The following CSMD1 variants were observed in gnomAD, a reference collection of about 807,000 sequenced individuals.
The protein encoded by CSMD1 is CUB and Sushi multiple domains 1.
CSMD1 carries 213 observed loss-of-function variants against 417.5 expected under a neutral mutation model. That is an observed-to-expected ratio of 0.51 (90% CI 0.46 to 0.57). The LOEUF (loss-of-function observed/expected upper bound fraction) is 0.57. CSMD1 is among the 20% of genes least tolerant of loss of function. CSMD1 has a pLI of 0.00. For missense variants in CSMD1, 6,923 were observed against 4,529.7 expected (o/e 1.53, Z -15.17); for synonymous variants, 2,862 against 1,736.8 (o/e 1.65, Z -16.11).
intron 6 of CSMD1, among the ~76,000 whole-genome samples, chr8:3,746,984 A>C (rs1179978347): frequency 1.3e-5 from 2 of 152,244 alleles, no homozygotes; most frequent in East Asian, 1.9e-4. Flanking sequence ...AATTACAGCT[A>C]TCCGAAAAAG....
intron 1 of CSMD1, among the ~76,000 whole-genome samples, chr8:4,815,101 G>A (rs540517212): frequency 5.2e-4 from 79 of 152,260 alleles, no homozygotes; most frequent in African/African-American, 1.8e-3. Flanking sequence ...AATTTGAAAT[G>A]ACAGTTCTGA....
intron 3 of CSMD1, among the ~76,000 whole-genome samples, chr8:4,169,129 C>T (rs901369521): frequency 1.3e-5 from 2 of 152,198 alleles, no homozygotes; most frequent in African/African-American, 4.8e-5. Flanking sequence ...TGTAAGCTCA[C>T]TGGTGGTGAT....
At chr8:3,111,596 C>G (rs571436394) in intron 42 of CSMD1, among the ~76,000 whole-genome samples, 1 of 152,232 alleles carries the variant, frequency 6.6e-6, no homozygotes, top group Non-Finnish European at 1.5e-5. Flanking sequence ...CTTTGGGAGA[C>G]TGAGGTGGGT....
intron 1 of CSMD1, among the ~76,000 whole-genome samples, chr8:4,949,712 T>C (rs575468637): frequency 7.2e-5 from 11 of 152,326 alleles, no homozygotes; most frequent in African/African-American, 2.4e-4. Flanking sequence ...ATGGGATCAT[T>C]TGGGTTACAG....
intron 5 of CSMD1, among the ~76,000 whole-genome samples, chr8:3,883,274 T>G (rs1806326230): frequency 6.6e-6 from 1 of 152,162 alleles, no homozygotes; most frequent in Non-Finnish European, 1.5e-5. Context: ...ATAAAGTATT[T>G]CCAGCTCACA....
chr8:4,363,364 ATGT>A (rs1309243333), intron 3 of CSMD1, among the ~76,000 whole-genome samples: 21 of 152,156 alleles, frequency 1.4e-4, no homozygotes, highest in Admixed American at 1.4e-3. Context: ...ATGTGTATGC[ATGT>A]GCGTGCATGC....
chr8:3,011,454 T>C (rs770676197), intron 52 of CSMD1, among the ~76,000 whole-genome samples: 7 of 151,558 alleles, frequency 4.6e-5, no homozygotes, highest in Non-Finnish European at 1.0e-4. Flanking sequence ...AAGAATATAT[T>C]TAAACTTGAC....
intron 1 of CSMD1, among the ~76,000 whole-genome samples, chr8:4,751,554 T>C (rs918515243): frequency 2.0e-5 from 3 of 152,222 alleles, no homozygotes; most frequent in Admixed American, 1.3e-4. Flanking sequence ...CAAGATTTTA[T>C]GATCCTAATA....
At chr8:3,129,184 A>G (rs1341670735) in intron 41 of CSMD1, among the ~76,000 whole-genome samples, 1 of 152,070 alleles carries the variant, frequency 6.6e-6, no homozygotes, top group Non-Finnish European at 1.5e-5. Context: ...ATATTTCCAG[A>G]CTCTGCTATT....
intron 5 of CSMD1, among the ~76,000 whole-genome samples, chr8:3,794,782 C>T (rs1316258072): frequency 1.3e-5 from 2 of 152,008 alleles, no homozygotes; most frequent in Non-Finnish European, 2.9e-5. Context: ...AATAACACAT[C>T]TCTAAAGTGA....
At chr8:3,253,489 A>G (rs1286537036) in intron 26 of CSMD1, among the ~76,000 whole-genome samples, 2 of 152,132 alleles carry the variant, frequency 1.3e-5, no homozygotes, top group African/African-American at 2.4e-5. Flanking sequence ...GTGGTGCTGA[A>G]AAGAATGTAT....
chr8:3,385,431 A>G (rs1810949174), intron 18 of CSMD1, among the ~76,000 whole-genome samples: 1 of 151,692 alleles, frequency 6.6e-6, no homozygotes, highest in Admixed American at 6.6e-5. Context: ...TCCTGAATGC[A>G]GCCACCTACT....
intron 7 of CSMD1, among the ~76,000 whole-genome samples, chr8:3,694,320 G>C (rs62474724): frequency 6.6e-5 from 10 of 151,846 alleles, no homozygotes; most frequent in African/African-American, 2.2e-4. Flanking sequence ...GAGCACAGCA[G>C]CATGACTGAG....
chr8:4,553,590 T>C (rs535107875), intron 2 of CSMD1, among the ~76,000 whole-genome samples: 20 of 152,320 alleles, frequency 1.3e-4, no homozygotes, highest in African/African-American at 4.6e-4. Context: ...AATTAGATTA[T>C]TTTTGATCTA....
At chr8:4,273,575 T>C (rs912270397) in intron 3 of CSMD1, among the ~76,000 whole-genome samples, 18 of 152,192 alleles carry the variant, frequency 1.2e-4, no homozygotes, top group Non-Finnish European at 2.4e-4. Context: ...TTAATATAAA[T>C]ATTTATCATT....
intron 3 of CSMD1, among the ~76,000 whole-genome samples, chr8:4,294,412 G>C (rs770439325): frequency 1.3e-5 from 2 of 152,140 alleles, no homozygotes; most frequent in South Asian, 2.1e-4. Context: ...TACTTGAATA[G>C]CTAATGTTTA....
chr8:3,534,532 A>G (rs1585319330), intron 10 of CSMD1, among the ~76,000 whole-genome samples: 2 of 152,058 alleles, frequency 1.3e-5, no homozygotes, highest in Non-Finnish European at 2.9e-5. Context: ...AAAAAAAAAA[A>G]AAAGAAAAAC....
chr8:3,969,899 C>T (rs1812962410), intron 5 of CSMD1, among the ~76,000 whole-genome samples: 2 of 151,688 alleles, frequency 1.3e-5, no homozygotes, highest in South Asian at 4.1e-4. Flanking sequence ...GGATAATTTG[C>T]AAAAACAAAC....
chr8:3,933,250 C>T (rs1030398829), intron 5 of CSMD1, among the ~76,000 whole-genome samples: 4 of 152,050 alleles, frequency 2.6e-5, no homozygotes, highest in African/African-American at 4.8e-5. Context: ...ATTTAGAGTA[C>T]GTGTTAAATT....
Sources: allele counts gnomAD v4.1 joint callset (sites outside exome capture counted in the v4.1 genomes callset), GRCh38; gene constraint gnomAD v4.1.1; transcripts MANE v1.5; gene names NCBI Gene and HGNC (gene_info 2026-07-23, HGNC 2026-07-21).